TERF1: variants seen among roughly 807,000 people sequenced by gnomAD.
TERF1 encodes the protein telomeric repeat binding factor 1, also known as telomeric repeat-binding factor 1.
Under a neutral mutation model 55.1 loss-of-function variants are expected in TERF1, and 20 were observed. The ratio of observed to expected loss-of-function variants is 0.36; its 90% CI spans 0.26 to 0.53. TERF1 has a LOEUF of 0.53. Among genes scored for constraint, TERF1 ranks in the 20% least tolerant of loss-of-function variants. The probability of loss-of-function intolerance (pLI) is 0.91; values close to 1 mark genes in which losing one functional copy is unlikely to be tolerated. For missense variants in TERF1, 439 were observed against 535.7 expected (o/e 0.82, Z 1.78); for synonymous variants, 168 against 181.2 (o/e 0.93, Z 0.59).
Position 73,026,929 on chromosome 8 carries a change from C to A in TERF1, c.775-11C>A. The A allele has an allele frequency of 4.4e-6, 7 of 1,605,812 alleles. No individual in the cohort carries two copies. The highest frequency in any genetic ancestry group is 6.0e-6 in the Non-Finnish European group (7 of 1,175,468). On this transcript the variant is annotated splice_polypyrimidine_tract_variant and intron_variant, in intron 5 of 9. Transcript: ENST00000276603. ...CTTCCTATCCTTCTACCTCCACGCACGTTTTTTAAGGCAGCGGCAAAAGTA... is the reference window on the plus strand; with the variant it reads ...CTTCCTATCCTTCTACCTCCACGCAAGTTTTTTAAGGCAGCGGCAAAAGTA...
At chr8:73,032,202 TTACCAC>T in intron 8 of TERF1, 69 bp downstream of exon 8, 1 of 1,132,802 alleles carries the variant, frequency 8.8e-7, no homozygotes, top group Non-Finnish European at 1.3e-6. Context: ...GCCATTGACT[TTACCAC>T]TATAGCAAAA....
At chr8:73,016,082 C>T (rs73687057) in intron 2 of TERF1, among the ~76,000 whole-genome samples, 1 of 152,150 alleles carries the variant, frequency 6.6e-6, no homozygotes, top group East Asian at 1.9e-4. Context: ...CACACCACTG[C>T]ACCCCAACCT....
At chr8:73,016,398 G>C (rs576534947) in intron 2 of TERF1, among the ~76,000 whole-genome samples, 30 of 151,844 alleles carry the variant, frequency 2.0e-4, no homozygotes, top group Non-Finnish European at 3.7e-4. Flanking sequence ...ATATCTTAAA[G>C]GGGAAATGCT....
rs1809736618 is a variant in TERF1, at chr8:73,039,324, A to G, written c.1143+105A>G. On this transcript the variant is annotated intron_variant, in intron 9 of 9. Coordinates refer to ENST00000276603, the MANE Select transcript of TERF1 (RefSeq NM_017489.3). ...ACCTCCCCAAAATTTTGAGTGTAAAATATTTGCCCTTTGCCATCTTTTATT... is the reference window on the plus strand; with the variant it reads ...ACCTCCCCAAAATTTTGAGTGTAAAGTATTTGCCCTTTGCCATCTTTTATT... 5 of 754,194 alleles carry G rather than the reference A, an allele frequency of 6.6e-6. No individual in the cohort carries two copies. The Admixed American group carries it at 1.7e-4, about 25-fold the overall frequency. 46.7% of individuals were successfully genotyped at this position (754,194 alleles called of 1,614,324 possible).
In TERF1 at chr8:73,009,101, C is replaced by T. The variant is rs1332247257; in HGVS notation, c.215C>T (p.Ala72Val). The change falls in exon 1 of 10, where the codon GCC becomes GTC. Residue 72 changes from alanine to valine, a missense_variant. Around this residue, in one of 4 missense-constraint regions of TERF1, gnomAD observed 179 missense variants for 152.6 expected, o/e 1.17. Transcript: ENST00000276603. ...EDAGLVAEAE[A>V]VAAGWMLDFL... ...GCGGGCCTGGTGGCCGAGGCCGAGG[C>T]CGTGGCTGCCGGCTGGATGCTCGAT... The T allele has an allele frequency of 5.0e-6, 8 of 1,609,892 alleles. No homozygotes were observed. The South Asian group carries it at 8.8e-5, about 18-fold the overall frequency.
intron 6 of TERF1, among the ~76,000 whole-genome samples, chr8:73,028,392 C>A (rs376475989): frequency 6.6e-6 from 1 of 152,126 alleles, no homozygotes. Flanking sequence ...CTTCTCCAAT[C>A]TATTTTTATC....
chr8:73,030,020 T>G (rs1169588319), intron 6 of TERF1: 1 of 198,268 alleles, frequency 5.0e-6, no homozygotes, highest in Non-Finnish European at 1.0e-5. Context: ...AATTATACCT[T>G]AATAAAGCAG....
chr8:73,047,456 T>C lies in TERF1; in HGVS notation c.*1319T>C, dbSNP rs1417076769. 2 of 152,166 alleles carry C rather than the reference T, an allele frequency of 1.3e-5. No homozygotes were observed. Among genetic ancestry groups the C allele is most frequent in the African/African-American group, 2.4e-5 (1 of 41,446 alleles). 9.4% of individuals were successfully genotyped at this position (152,166 alleles called of 1,614,324 possible). ...GGTATTAACTATGATCATCTTGATG[T>C]CTATGATAGATAATAAACAAGGTCA... On this transcript the variant is annotated 3_prime_UTR_variant, in exon 10 of 10. Coordinates refer to ENST00000276603, the MANE Select transcript of TERF1 (RefSeq NM_017489.3).
At position 73,046,279 on chromosome 8, in the gene TERF1, T is replaced by C. The variant is rs1810029266; in HGVS notation, c.*142T>C. Reference sequence around the variant, plus strand: ...TCTGTGACCATCAATTAATGAGGGTTTGTGCTACCAGAGTTAAAGCATATG... The same window carrying C: ...TCTGTGACCATCAATTAATGAGGGTCTGTGCTACCAGAGTTAAAGCATATG... On this transcript the variant is annotated 3_prime_UTR_variant, in exon 10 of 10. Transcript: ENST00000276603. The C allele has an allele frequency of 5.0e-6, 3 of 603,648 alleles. No homozygotes were observed. The highest frequency in any genetic ancestry group is 8.0e-6 in the Non-Finnish European group (3 of 372,940). The allele number at this position is 603,648 out of a possible 1,614,324, so 37.4% of individuals were successfully genotyped here.
At chr8:73,027,188 A>G (rs2129811392) in intron 6 of TERF1, 136 bp downstream of exon 6, 1 of 664,292 alleles carries the variant, frequency 1.5e-6, no homozygotes, top group Non-Finnish European at 2.5e-6. Flanking sequence ...TAGGTATTTG[A>G]AGTACTGTAG....
chr8:73,045,962 C>T lies in TERF1; in HGVS notation c.1145C>T (p.Ala382Val). ...PEKHRARKRQ[A>V]WLWEEDKNLR... Reference sequence around the variant, plus strand: ...AACTGTTTTACTTTTTATCAAAAGGCATGGCTTTGGGAAGAAGACAAGAAT... The same window carrying T: ...AACTGTTTTACTTTTTATCAAAAGGTATGGCTTTGGGAAGAAGACAAGAAT... Residue 382 changes from alanine to valine, a missense_variant and splice_region_variant, in exon 10 of 10, where the codon GCA becomes GTA. This residue lies in a region of TERF1 where 140 missense variants were observed against 158.6 expected (regional missense o/e 0.88). Coordinates refer to ENST00000276603, the MANE Select transcript of TERF1 (RefSeq NM_017489.3). 1.3e-6 allele frequency: 2 copies of T among 1,546,576 alleles called. No homozygotes were observed. Among genetic ancestry groups the T allele is most frequent in the Non-Finnish European group, 1.7e-6 (2 of 1,149,874 alleles).
chr8:73,027,069 A>G lies in TERF1; in HGVS notation c.887+17A>G, dbSNP rs142975236. 650 of 1,561,556 alleles carry G rather than the reference A, an allele frequency of 4.2e-4. 1 individual carries two copies. In the African/African-American group the frequency reaches 7.0e-3, roughly 17 times the overall value. ...AAGAAAAAGGTTTGTAATTTAATCA[A>G]TTTGTATATTTTTTGTTTTATGAAT... On this transcript the variant is annotated intron_variant, in intron 6 of 9. Transcript: ENST00000276603.
rs1810083325 is a variant in TERF1, at chr8:73,047,335, T to A, written c.*1198T>A. 1.3e-5 allele frequency: 2 copies of A among 152,064 alleles called. No individual in the cohort carries two copies. The highest frequency in any genetic ancestry group is 4.8e-5 in the African/African-American group (2 of 41,390). 9.4% of individuals were successfully genotyped at this position (152,064 alleles called of 1,614,324 possible). A position where few individuals can be genotyped will look rare whatever the true frequency, so the allele number is the denominator to read the frequency against. On this transcript the variant is annotated 3_prime_UTR_variant, in exon 10 of 10. Transcript: ENST00000276603. ...TTTGACAAAAATGGTTTTGAATAGA[T>A]CTTTATAACCTGATGCCATAAATAC...
chr8:73,036,762 TGTA>T lies in TERF1; in HGVS notation c.1040-2350_1040-2348del, dbSNP rs558480204. Among the ~76,000 whole-genome samples the T allele has an allele frequency of 6.9e-4, 104 of 149,964 alleles. 3 individuals carry two copies. The South Asian group carries it at 0.021, about 30-fold the overall frequency. Reference sequence around the variant, plus strand: ...CAATGTAAATGATAAATAACTAAATTGTAGTAAATAATTGTTAGACTATATTTT... The same window carrying T: ...CAATGTAAATGATAAATAACTAAATTGTAAATAATTGTTAGACTATATTTT... On this transcript the variant is annotated intron_variant, in intron 8 of 9. Coordinates refer to ENST00000276603, the MANE Select transcript of TERF1 (RefSeq NM_017489.3).
intron 4 of TERF1, 79 bp downstream of exon 4, chr8:73,022,381 A>T: frequency 1.2e-6 from 1 of 825,140 alleles, no homozygotes; most frequent in East Asian, 2.8e-5. Flanking sequence ...ATTGGAGGAG[A>T]AAAGAAATGC....
intron 2 of TERF1, among the ~76,000 whole-genome samples, chr8:73,019,220 G>T (rs1442910834): frequency 6.6e-6 from 1 of 151,824 alleles, no homozygotes; most frequent in Non-Finnish European, 1.5e-5. Context: ...GTGTGGGGGT[G>T]GGGGGAAGGT....
intron 1 of TERF1, chr8:73,009,968 CCTCCCG>C (rs1353634603): frequency 6.6e-6 from 1 of 151,920 alleles, no homozygotes; most frequent in Non-Finnish European, 1.5e-5. Flanking sequence ...GCTCAGGTAT[CCTCCCG>C]CTTCAGCTTC....
At chr8:73,017,587 T>A (rs1023467801) in intron 2 of TERF1, among the ~76,000 whole-genome samples, 3 of 152,216 alleles carry the variant, frequency 2.0e-5, no homozygotes, top group Non-Finnish European at 2.9e-5. Flanking sequence ...GACTTCTGTT[T>A]CATGAGGGAT....
intron 8 of TERF1, among the ~76,000 whole-genome samples, chr8:73,035,099 T>C (rs1190134133): frequency 6.6e-6 from 1 of 152,204 alleles, no homozygotes; most frequent in African/African-American, 2.4e-5. Flanking sequence ...ACAAGAAATC[T>C]ATCAGTAACC....
Sources: gnomAD v4.1 joint callset for allele counts (sites outside exome capture counted in the v4.1 genomes callset) on GRCh38, gnomAD v4.1.1 for gene constraint, gnomAD v4.1.1 regional missense constraint, MANE v1.5 for transcripts, NCBI Gene and HGNC (gene_info 2026-07-23, HGNC 2026-07-21) for gene names.